The following KIF12 variants were observed in gnomAD, a reference collection of about 807,000 sequenced individuals.
KIF12 encodes kinesin family member 12.
In KIF12, 80 loss-of-function variants were observed where a neutral mutation model predicts 87.9. That is an observed-to-expected ratio of 0.91 (90% CI 0.76 to 1.10). The LOEUF (loss-of-function observed/expected upper bound fraction) is 1.10. Among genes scored for constraint, KIF12 ranks in the 50% least tolerant of loss-of-function variants. The pLI is 0.00. For missense variants in KIF12, 819 were observed against 865.3 expected (o/e 0.95, Z 0.67); for synonymous variants, 353 against 348.5 (o/e 1.01, Z -0.14).
At chr9:114,098,231 C>A in intron 4 of KIF12, 41 bp from the exon 5 acceptor site, 1 of 1,519,820 alleles carries the variant, frequency 6.6e-7, no homozygotes, top group East Asian at 2.6e-5. Flanking sequence ...GGCGGCTACC[C>A]GGGGTGGGGG....
Position 114,098,314 on chromosome 9 carries a change from A to T in KIF12, c.287T>A (p.Leu96Gln). 1 of 1,466,946 alleles carries T rather than the reference A, an allele frequency of 6.8e-7. No individual in the cohort carries two copies. The highest frequency in any genetic ancestry group is 2.4e-4 in the Middle Eastern group (1 of 4,204). The allele number at this position is 1,466,946 out of a possible 1,614,324, so 90.9% of individuals were successfully genotyped here. A position where few individuals can be genotyped will look rare whatever the true frequency, so the allele number is the denominator to read the frequency against. Residue 96 changes from leucine (L) to glutamine (Q), a missense_variant, in exon 4 of 19, where the codon CTG becomes CAG. By Grantham distance (113) the Leu-to-Gln change is moderately radical (BLOSUM62 -2). Coordinates refer to ENST00000640217, the MANE Select transcript of KIF12 (RefSeq NM_001388308.1). ...RACGVRRLGE[L>Q]ALRGFSCTVF... is the part of the protein sequence containing the mutation. ...AAGCTTCACTCACCCGCGCAGCGCC[A>T]GCTCCCCCAGGCGCCGCACGCCGCA...
At chr9:114,092,030 C>A (rs748204624) in intron 18 of KIF12, 30 bp from the exon 19 acceptor site, 1 of 1,591,820 alleles carries the variant, frequency 6.3e-7, no homozygotes. Flanking sequence ...GAGGCCTGCC[C>A]TCTCCAGGGC....
intron 9 of KIF12, 91 bp from the exon 10 acceptor site, chr9:114,095,423 C>G: frequency 5.2e-6 from 7 of 1,343,372 alleles, no homozygotes; most frequent in Non-Finnish European, 6.1e-6. Flanking sequence ...TCCACCCAGG[C>G]CTGTGTTGCC....
chr9:114,098,006 C>G, intron 5 of KIF12, 109 bp downstream of exon 5: 1 of 1,136,516 alleles, frequency 8.8e-7, no homozygotes, highest in South Asian at 1.6e-5. Flanking sequence ...GCGGGTCAGG[C>G]GGCGTCGTCC....
chr9:114,098,374 T>G lies in KIF12; in HGVS notation c.227A>C (p.Asp76Ala). The G allele has an allele frequency of 6.6e-7, 1 of 1,514,306 alleles. No individual in the cohort carries two copies. Among genetic ancestry groups the G allele is most frequent in the South Asian group, 1.2e-5 (1 of 81,418 alleles). 93.8% of individuals were successfully genotyped at this position (1,514,306 alleles called of 1,614,324 possible). Residue 76 changes from aspartate to alanine, a missense_variant, in exon 4 of 19, where the codon GAC (aspartate) becomes GCC (alanine). Transcript: ENST00000640217. Reference sequence around the variant, plus strand: ...CACGTCCTCCTGCGTGCGCGCCGCGTCTAGCACCGCACCGAAGCGGAACGC... The same window carrying G: ...CACGTCCTCCTGCGTGCGCGCCGCGGCTAGCACCGCACCGAAGCGGAACGC... ...EVAFRFGAVL[D>A]AARTQEDVFR...
At chr9:114,096,029 A>G (rs772280208) in intron 9 of KIF12, 22 bp downstream of exon 9, 8 of 1,594,018 alleles carry the variant, frequency 5.0e-6, no homozygotes, top group Non-Finnish European at 6.8e-6. Context: ...AGGAAATCAC[A>G]CCGGTGGCCC....
chr9:114,098,083 G>A (rs1476566535), intron 5 of KIF12, 32 bp downstream of exon 5: 4 of 1,539,330 alleles, frequency 2.6e-6, no homozygotes, highest in South Asian at 1.2e-5. Flanking sequence ...ACCCAGCCCC[G>A]CCCCGCGGGG....
At chr9:114,092,933 T>TA in intron 16 of KIF12, 1 of 1,430,564 alleles carries the variant, frequency 7.0e-7, no homozygotes, top group Non-Finnish European at 9.1e-7. Context: ...CTTGGGGAGT[T>TA]ACTGAAGGAG....
At chr9:114,097,572 C>T (rs62556540) in intron 6 of KIF12, 35 bp downstream of exon 6, 257,999 of 1,612,120 alleles carry the variant, frequency 0.16, 22,249 homozygotes, top group Non-Finnish European at 0.18. Context: ...TCCGTTTCCT[C>T]ATGGGCTGTC....
intron 9 of KIF12, 144 bp from the exon 10 acceptor site, chr9:114,095,476 T>C (rs1044082884): frequency 3.4e-6 from 3 of 887,476 alleles, no homozygotes; most frequent in Admixed American, 2.5e-5. Flanking sequence ...CTCAGTCAGA[T>C]TGGTCTCCAC....
intron 15 of KIF12, 27 bp from the exon 16 acceptor site, chr9:114,093,360 A>G: frequency 1.9e-6 from 3 of 1,554,750 alleles, no homozygotes; most frequent in Non-Finnish European, 1.7e-6. Context: ...CAGAGGCTCC[A>G]TGACATCCCT....
Position 114,099,162 on chromosome 9 carries a change from C to G in KIF12, c.34G>C (p.Ala12Pro). The G allele has an allele frequency of 6.4e-7, 1 of 1,550,662 alleles. No individual in the cohort carries two copies. Among genetic ancestry groups the G allele is most frequent in the African/African-American group, 1.4e-5 (1 of 73,056 alleles). ...EERGSPDGDLARSLEQGPEGP... is the reference protein window; with the variant it reads ...EERGSPDGDLPRSLEQGPEGP... ...TCTGGCCCTTGCTCCAGGCTCCGCG[C>G]GAGATCCCTGTGGGCAGCAATGCGA... The change falls in exon 2 of 19, where the codon GCG (alanine) becomes CCG (proline). Residue 12 changes from alanine (A) to proline (P), a missense_variant. Physicochemically the swap from Ala to Pro is conservative, Grantham distance 27 (BLOSUM62 -1). Transcript: ENST00000640217.
rs1295884137 is a variant in KIF12 at position 114,098,345 on chromosome 9, G to C, written c.256C>G (p.Arg86Gly). The C allele has an allele frequency of 1.3e-6, 2 of 1,490,606 alleles. No homozygotes were observed. The highest frequency in any genetic ancestry group is 1.8e-6 in the Non-Finnish European group (2 of 1,124,906). The allele number at this position is 1,490,606 out of a possible 1,614,324, so 92.3% of individuals were successfully genotyped here. A position where few individuals can be genotyped will look rare whatever the true frequency, so the allele number is the denominator to read the frequency against. The change falls in exon 4 of 19, where the codon CGG (arginine) becomes GGG (glycine). Residue 86 changes from arginine to glycine, a missense_variant. Physicochemically the swap from Arg to Gly is moderately radical, Grantham distance 125. Coordinates refer to ENST00000640217, the MANE Select transcript of KIF12 (RefSeq NM_001388308.1). ...DAARTQEDVFRACGVRRLGEL... is the reference protein window; with the variant it reads ...DAARTQEDVFGACGVRRLGEL... ...CCCAGGCGCCGCACGCCGCACGCCC[G>C]GAACACGTCCTCCTGCGTGCGCGCC...
intron 14 of KIF12, 35 bp downstream of exon 14, chr9:114,093,851 C>T: frequency 6.3e-7 from 1 of 1,579,232 alleles, no homozygotes; most frequent in African/African-American, 1.3e-5. Flanking sequence ...GCCCTCTGTC[C>T]AGAGGCCTGG....
Position 114,096,481 on chromosome 9 carries a change from G to A in KIF12, c.647-3C>T. The A allele has an allele frequency of 1.2e-6, 2 of 1,605,752 alleles. No homozygotes were observed. Among genetic ancestry groups the A allele is most frequent in the Non-Finnish European group, 8.5e-7 (1 of 1,175,810 alleles). On this transcript the variant is annotated splice_region_variant and splice_polypyrimidine_tract_variant and intron_variant, in intron 7 of 18. Transcript: ENST00000640217. ...TGAGTTCCTTCGACGGCTGAGACCT[G>A]GAAGGGAAAAACATCAGGAGCTGGA...
chr9:114,098,278 G>A, intron 4 of KIF12, 24 bp downstream of exon 4: 1 of 1,492,062 alleles, frequency 6.7e-7, no homozygotes, highest in Non-Finnish European at 8.9e-7. Context: ...GCCCGGCGCG[G>A]AGCGGAGGCG....
Position 114,096,054 on chromosome 9 carries a change from G to C in KIF12, c.892C>G (p.Leu298Val). The change falls in exon 9 of 19, where the codon CTG (leucine) becomes GTG (valine). Residue 298 changes from leucine to valine, a missense_variant. Physicochemically the swap from Leu to Val is conservative, Grantham distance 32. Transcript: ENST00000640217. ...ANSINRSLLA[L>V]GHCISLLLDP... ...ACCGGTGGCCCCCAGGTCTCACCCA[G>C]GGCCAGCAGGCTTCGGTTGATGCTG... The C allele has an allele frequency of 6.2e-7, 1 of 1,609,956 alleles. No individual in the cohort carries two copies. Among genetic ancestry groups the C allele is most frequent in the African/African-American group, 1.3e-5 (1 of 74,970 alleles).
In KIF12 at chr9:114,097,577, G is replaced by T. The variant is rs78769790; in HGVS notation, c.510+30C>A. On this transcript the variant is annotated intron_variant, in intron 6 of 18. Transcript: ENST00000640217. Reference sequence around the variant, plus strand: ...AAAGAAGCGCTCCGTTTCCTCATGGGCTGTCTTTCTATTCCTCTCATTCCC... The same window carrying T: ...AAAGAAGCGCTCCGTTTCCTCATGGTCTGTCTTTCTATTCCTCTCATTCCC... 3,654 of 1,612,806 alleles carry T rather than the reference G, an allele frequency of 2.3e-3. 78 individuals are homozygous for T. The African/African-American group carries it at 0.042, about 18-fold the overall frequency.
chr9:114,097,608 T>C lies in KIF12; in HGVS notation c.509A>G (p.Gln170Arg), dbSNP rs1385577229. The C allele has an allele frequency of 6.2e-7, 1 of 1,613,980 alleles. No homozygotes were observed. Among genetic ancestry groups the C allele is most frequent in the Non-Finnish European group, 8.5e-7 (1 of 1,180,006 alleles). Residue 170 changes from glutamine to arginine, a missense_variant and splice_region_variant, in exon 6 of 19, where the codon CAG (glutamine) becomes CGG (arginine). Gln to Arg is a conservative substitution (Grantham distance 43). Transcript: ENST00000640217. ...RASYLEIYNE[Q>R]VRDLLSLGSP... ...TTTCTATTCCTCTCATTCCCTTACC[T>C]GCTCATTGTAGATCTCCAGATAAGA...
Sources: gnomAD v4.1 joint callset for allele counts on GRCh38, gnomAD v4.1.1 for gene constraint, MANE v1.5 for transcripts, NCBI Gene and HGNC (gene_info 2026-07-23, HGNC 2026-07-21) for gene names.